Variants in GFRA2 observed in about 807,000 individuals in gnomAD.
The protein encoded by GFRA2 is GDNF family receptor alpha 2, also known as GDNF family receptor alpha-2.
GFRA2 carries 17 observed loss-of-function variants against 48.3 expected under a neutral mutation model. The observed-to-expected ratio is 0.35, with a 90% CI of 0.24 to 0.53. The LOEUF (loss-of-function observed/expected upper bound fraction) is 0.53, where lower values mean the gene tolerates loss of function less well. Among genes scored for constraint, GFRA2 ranks in the 20% least tolerant of loss-of-function variants. The pLI is 0.93. For missense variants in GFRA2, 660 were observed against 637.3 expected (o/e 1.04, Z -0.38); for synonymous variants, 305 against 257.2 (o/e 1.19, Z -1.78).
rs374441263 is a variant in GFRA2, at chr8:21,768,694, C to T, written c.439+6278G>A. 9.6e-4 allele frequency among the ~76,000 whole-genome samples: 146 copies of T among 152,240 alleles called. 1 individual carries two copies. Among genetic ancestry groups the T allele is most frequent in the African/African-American group, 3.4e-3 (143 of 41,536 alleles). ...CCCACCAAGGCCACAGGGGTGTCTT[C>T]CTGGGAACTGACTTTTGAGCCCAGG... On this transcript the variant is annotated intron_variant, in intron 3 of 8. Transcript: ENST00000524240.
intron 4 of GFRA2, among the ~76,000 whole-genome samples, chr8:21,749,716 T>A (rs528646951): frequency 6.6e-6 from 1 of 151,806 alleles, no homozygotes; most frequent in Admixed American, 6.6e-5. Flanking sequence ...TGTATTCAGG[T>A]CTGATCCAGT....
chr8:21,754,953 A>C (rs1805497210), intron 3 of GFRA2, among the ~76,000 whole-genome samples: 1 of 152,226 alleles, frequency 6.6e-6, no homozygotes, highest in African/African-American at 2.4e-5. Flanking sequence ...GACACGGAGA[A>C]AACCTACATG....
Position 21,782,806 on chromosome 8 carries a change from T to C in GFRA2, c.134A>G (p.Glu45Gly). The change falls in exon 2 of 9, where the codon GAG becomes GGG. Residue 45 changes from glutamate to glycine, a missense_variant. Coordinates refer to ENST00000524240, the MANE Select transcript of GFRA2 (RefSeq NM_001495.5). ...GCAGTTGGATTCGGCGGCACACAGC[T>C]CATTGGCCCGGACACAGTCCACTGG... ...RPPVDCVRAN[E>G]LCAAESNCSS... is the part of the protein sequence containing the mutation. 6.3e-7 allele frequency: 1 copy of C among 1,579,568 alleles called. No homozygotes were observed. The highest frequency in any genetic ancestry group is 8.6e-7 in the Non-Finnish European group (1 of 1,168,080).
In GFRA2 at chr8:21,782,824, T is replaced by C; in HGVS notation, c.116A>G (p.Asp39Gly). Reference sequence around the variant, plus strand: ...ACACAGCTCATTGGCCCGGACACAGTCCACTGGGGGGCGCCAGCCGTGGAG... The same window carrying C: ...ACACAGCTCATTGGCCCGGACACAGCCCACTGGGGGGCGCCAGCCGTGGAG... ...PELHGWRPPV[D>G]CVRANELCAA... Residue 39 changes from aspartate (D) to glycine (G), a missense_variant, in exon 2 of 9, where the codon GAC (aspartate) becomes GGC (glycine). Coordinates refer to ENST00000524240, the MANE Select transcript of GFRA2 (RefSeq NM_001495.5). 2 of 1,573,864 alleles carry C rather than the reference T, an allele frequency of 1.3e-6. No individual in the cohort carries two copies. The highest frequency in any genetic ancestry group is 1.2e-5 in the South Asian group (1 of 86,688).
chr8:21,803,039 G>A (rs1384361672), intron 2 of GFRA2, among the ~76,000 whole-genome samples: 1 of 152,332 alleles, frequency 6.6e-6, no homozygotes, highest in East Asian at 1.9e-4. Flanking sequence ...TAAGTTTATT[G>A]CTGCAGCAAC....
At chr8:21,766,014 G>A (rs1443023347) in intron 3 of GFRA2, among the ~76,000 whole-genome samples, 1 of 152,060 alleles carries the variant, frequency 6.6e-6, no homozygotes, top group Non-Finnish European at 1.5e-5. Context: ...CCTCCACAGT[G>A]CAAGAGTCAT....
chr8:21,722,420 C>T (rs1585254754), intron 4 of GFRA2, among the ~76,000 whole-genome samples: 1 of 152,224 alleles, frequency 6.6e-6, no homozygotes, highest in South Asian at 2.1e-4. Flanking sequence ...AGCTGCTGAA[C>T]TCAGCTCTTT....
At chr8:21,728,615 G>A (rs1348589020) in intron 4 of GFRA2, among the ~76,000 whole-genome samples, 1 of 152,156 alleles carries the variant, frequency 6.6e-6, no homozygotes, top group African/African-American at 2.4e-5. Flanking sequence ...GGATGGAGAT[G>A]TGGCGTCCAT....
intron 2 of GFRA2, among the ~76,000 whole-genome samples, chr8:21,802,172 CT>C (rs1807783904): frequency 1.3e-5 from 2 of 152,254 alleles, no homozygotes; most frequent in Admixed American, 6.5e-5. Flanking sequence ...GGGCTCACCC[CT>C]GATTCTGCCA....
chr8:21,699,822 G>A (rs755804112), intron 7 of GFRA2, among the ~76,000 whole-genome samples: 5 of 152,162 alleles, frequency 3.3e-5, no homozygotes, highest in Admixed American at 6.5e-5. Flanking sequence ...TGGGGACACC[G>A]GGGTCTCTCC....
intron 4 of GFRA2, among the ~76,000 whole-genome samples, chr8:21,727,687 G>A (rs911220565): frequency 7.9e-5 from 12 of 152,272 alleles, no homozygotes; most frequent in Middle Eastern, 3.4e-3. Context: ...ACTGCTCCTC[G>A]TCTGCCCGCA....
intron 1 of GFRA2, among the ~76,000 whole-genome samples, chr8:21,810,365 C>G (rs367745242): frequency 6.6e-6 from 1 of 152,200 alleles, no homozygotes; most frequent in East Asian, 1.9e-4. Flanking sequence ...GCCCACCCCC[C>G]TCACTGACCT....
intron 3 of GFRA2, among the ~76,000 whole-genome samples, chr8:21,768,946 G>C (rs1390438145): frequency 6.6e-6 from 1 of 152,172 alleles, no homozygotes; most frequent in Non-Finnish European, 1.5e-5. Context: ...AGGCCTCCCA[G>C]CCATGATGCC....
At chr8:21,723,883 G>A (rs980770049) in intron 4 of GFRA2, among the ~76,000 whole-genome samples, 3 of 152,176 alleles carry the variant, frequency 2.0e-5, no homozygotes, top group Non-Finnish European at 2.9e-5. Flanking sequence ...CAATCTTGGT[G>A]TGTCAACCAA....
intron 4 of GFRA2, among the ~76,000 whole-genome samples, chr8:21,730,637 C>CAAACGCACACAGGTACTACACTCAG (rs1413584428): frequency 6.6e-6 from 1 of 152,140 alleles, no homozygotes. Context: ...CTCACACATA[C>CAAACGCACACAGGTACTACACTCAG]AAACGCACAC....
chr8:21,721,925 G>GA (rs1256096251), intron 4 of GFRA2, among the ~76,000 whole-genome samples: 1 of 152,208 alleles, frequency 6.6e-6, no homozygotes, highest in African/African-American at 2.4e-5. Context: ...GCCTTCTAGA[G>GA]AAAACTGCGT....
chr8:21,761,339 T>C (rs1215385047), intron 3 of GFRA2, among the ~76,000 whole-genome samples: 1 of 152,256 alleles, frequency 6.6e-6, no homozygotes, highest in Non-Finnish European at 1.5e-5. Flanking sequence ...GGGGCTCACA[T>C]TCTAGCTCAG....
intron 4 of GFRA2, among the ~76,000 whole-genome samples, chr8:21,713,254 C>G (rs960624217): frequency 1.3e-5 from 2 of 151,978 alleles, no homozygotes; most frequent in African/African-American, 4.8e-5. Context: ...TGCAGTGGCT[C>G]GATCTCGGCT....
At position 21,773,935 on chromosome 8, in the gene GFRA2, C is replaced by T. The variant is rs372871974; in HGVS notation, c.439+1037G>A. Among the ~76,000 whole-genome samples, 13 of 152,262 alleles carry T rather than the reference C, an allele frequency of 8.5e-5. No homozygotes were observed. The East Asian group carries it at 1.5e-3, about 18-fold the overall frequency. ...GCTGAACATCCTCAGACTCACAGGACGGCTCCTCCCACAAGAAAGAATTAA... is the reference window on the plus strand; with the variant it reads ...GCTGAACATCCTCAGACTCACAGGATGGCTCCTCCCACAAGAAAGAATTAA... On this transcript the variant is annotated intron_variant, in intron 3 of 8. Coordinates refer to ENST00000524240, the MANE Select transcript of GFRA2 (RefSeq NM_001495.5).
Sources: allele counts gnomAD v4.1 joint callset (sites outside exome capture counted in the v4.1 genomes callset), GRCh38; gene constraint gnomAD v4.1.1; transcripts MANE v1.5; gene names NCBI Gene and HGNC (gene_info 2026-07-23, HGNC 2026-07-21).